The following PIP5K1A variants were observed in gnomAD, a reference collection of about 807,000 sequenced individuals.
PIP5K1A encodes phosphatidylinositol 4-phosphate 5-kinase type-1 alpha.
PIP5K1A carries 46 observed loss-of-function variants against 72.9 expected under a neutral mutation model. That is an observed-to-expected ratio of 0.63 (90% CI 0.50 to 0.81). PIP5K1A has a LOEUF of 0.81. PIP5K1A is among the 30% of genes least tolerant of loss of function. PIP5K1A has a pLI of 0.00. For synonymous variants in PIP5K1A, 228 were observed against 255.1 expected (o/e 0.89, Z 1.01); for missense variants, 458 against 706.1 (o/e 0.65, Z 3.98).
upstream of PIP5K1A, among the ~76,000 whole-genome samples, chr1:151,197,232 A>G (rs1004325279): frequency 2.6e-5 from 4 of 151,644 alleles, no homozygotes; most frequent in Admixed American, 1.3e-4. Context: ...ATCTGGAAAG[A>G]GGATAACCAG....
chr1:151,236,303 A>G (rs1690849286), intron 8 of PIP5K1A, among the ~76,000 whole-genome samples: 1 of 151,114 alleles, frequency 6.6e-6, no homozygotes, highest in Admixed American at 6.6e-5. Context: ...GCATGGTGAA[A>G]CCGTCTCTAT....
rs114575878 is a variant in PIP5K1A at position 151,244,448 on chromosome 1, G to A, written c.1640+1881G>A. Among the ~76,000 whole-genome samples, 1,329 of 152,308 alleles carry A rather than the reference G, an allele frequency of 8.7e-3. 28 individuals are homozygous for A. Among genetic ancestry groups the A allele is most frequent in the African/African-American group, 0.03 (1,259 of 41,560 alleles). ...GCGGCCAGATTACTTGAGCCTAGGAGTTTAAGATCAGCCTGAGCAACATGG... is the reference window on the plus strand; with the variant it reads ...GCGGCCAGATTACTTGAGCCTAGGAATTTAAGATCAGCCTGAGCAACATGG... On this transcript the variant is annotated intron_variant, in intron 14 of 15. Transcript: ENST00000368888.
At chr1:151,234,156 C>T in intron 7 of PIP5K1A, 41 bp from the exon 8 acceptor site, 2 of 1,502,468 alleles carry the variant, frequency 1.3e-6, no homozygotes, top group Non-Finnish European at 1.8e-6. Flanking sequence ...TGAAAATCAG[C>T]TAAGTTGTTC....
chr1:151,231,337 C>A (rs116765104), intron 4 of PIP5K1A, among the ~76,000 whole-genome samples: 1 of 151,932 alleles, frequency 6.6e-6, no homozygotes, highest in Non-Finnish European at 1.5e-5. Context: ...GAACTAAGAA[C>A]GTTGTGTCAA....
chr1:151,238,856 A>T (rs187971089), intron 10 of PIP5K1A, among the ~76,000 whole-genome samples: 2 of 152,134 alleles, frequency 1.3e-5, no homozygotes, highest in Non-Finnish European at 2.9e-5. Context: ...CTCTCCTTTT[A>T]TAATAAATAT....
Position 151,242,480 on chromosome 1 carries a change from C to T in PIP5K1A, c.1553C>T (p.Pro518Leu), listed in dbSNP as rs1379650562. Reference sequence around the variant, plus strand: ...CCTGATGTTTTACCTCAGACTCCACCTTTGGAGGAAATCAGTGAGGGCTCG... The same window carrying T: ...CCTGATGTTTTACCTCAGACTCCACTTTTGGAGGAAATCAGTGAGGGCTCG... ...GRPDVLPQTP[P>L]LEEISEGSPI... Residue 518 changes from proline to leucine, a missense_variant, in exon 14 of 16, where the codon CCT becomes CTT. Around this residue, in one of 3 missense-constraint regions of PIP5K1A, gnomAD observed 157 missense variants for 175.5 expected, o/e 0.89. Transcript: ENST00000368888. 2 of 1,613,926 alleles carry T rather than the reference C, an allele frequency of 1.2e-6. No individual in the cohort carries two copies. The highest frequency in any genetic ancestry group is 1.1e-5 in the South Asian group (1 of 91,072).
intron 1 of PIP5K1A, 108 bp from the exon 2 acceptor site, chr1:151,224,134 CAGG>C (rs1688778507): frequency 1.1e-6 from 1 of 942,630 alleles, no homozygotes; most frequent in South Asian, 1.3e-5. Flanking sequence ...GAGCAAGAGG[CAGG>C]AGTTTATACT....
In PIP5K1A at chr1:151,240,035, T is replaced by G. The variant is rs777290314; in HGVS notation, c.1359T>G (p.Ile453Met). 2 of 1,610,022 alleles carry G rather than the reference T, an allele frequency of 1.2e-6. No homozygotes were observed. The highest frequency in any genetic ancestry group is 3.3e-5 in the Admixed American group (2 of 59,908). ...RFMCNTVFKK[I>M]PLKPSPSKKF... Reference sequence around the variant, plus strand: ...TGTGCAACACAGTATTTAAGAAGATTCCCTGTAAGTGGTTTCTACCAATTG... The same window carrying G: ...TGTGCAACACAGTATTTAAGAAGATGCCCTGTAAGTGGTTTCTACCAATTG... The change falls in exon 12 of 16, where the codon ATT becomes ATG. Residue 453 changes from isoleucine to methionine, a missense_variant. Around this residue, in one of 3 missense-constraint regions of PIP5K1A, gnomAD observed 157 missense variants for 175.5 expected, o/e 0.89. Transcript: ENST00000368888.
intron 9 of PIP5K1A, among the ~76,000 whole-genome samples, chr1:151,237,137 T>C (rs1250883935): frequency 6.6e-6 from 1 of 152,052 alleles, no homozygotes; most frequent in Non-Finnish European, 1.5e-5. Flanking sequence ...GCCACAGCAC[T>C]TTTTCTTTAG....
chr1:151,198,151 A>G (rs1344699118), upstream of PIP5K1A: 1 of 466,958 alleles, frequency 2.1e-6, no homozygotes, highest in Admixed American at 2.4e-5. Context: ...TCAAATAGTA[A>G]ACAAGAGTAG....
intron 3 of PIP5K1A, among the ~76,000 whole-genome samples, chr1:151,226,216 A>G (rs1385586945): frequency 6.6e-6 from 1 of 151,292 alleles, no homozygotes; most frequent in Non-Finnish European, 1.5e-5. Context: ...CCTCCCGAGT[A>G]GCTGGGATTA....
At position 151,238,164 on chromosome 1, in the gene PIP5K1A, C is replaced by A; in HGVS notation, c.1146-18C>A. On this transcript the variant is annotated intron_variant, in intron 9 of 15. Coordinates refer to ENST00000368888, the MANE Select transcript of PIP5K1A (RefSeq NM_001135638.2). ...TAGCCAACAGATTTTCTCACCCTTT[C>A]CTTTTTGCCTTTTCCAGTATGGGTG... The A allele has an allele frequency of 1.3e-6, 2 of 1,571,224 alleles. No individual in the cohort carries two copies. The highest frequency in any genetic ancestry group is 1.8e-6 in the Non-Finnish European group (2 of 1,141,144).
At chr1:151,199,261 A>C in intron 1 of PIP5K1A, 180 bp downstream of exon 1, 1 of 1,261,602 alleles carries the variant, frequency 7.9e-7, no homozygotes. Context: ...GATAAGTTTG[A>C]TTAAGAAGTT....
chr1:151,237,904 C>A (rs1294714351), intron 9 of PIP5K1A, among the ~76,000 whole-genome samples: 1 of 152,050 alleles, frequency 6.6e-6, no homozygotes, highest in Non-Finnish European at 1.5e-5. Context: ...ATTTTAGATT[C>A]TCTTTGGTGG....
At position 151,198,883 on chromosome 1, in the gene PIP5K1A, G is replaced by A; in HGVS notation, c.-114G>A. 2 of 1,013,370 alleles carry A rather than the reference G, an allele frequency of 2.0e-6. No homozygotes were observed. Among genetic ancestry groups the A allele is most frequent in the Non-Finnish European group, 3.0e-6 (2 of 660,682 alleles). The allele number at this position is 1,013,370 out of a possible 1,614,324, so 62.8% of individuals were successfully genotyped here. A position where few individuals can be genotyped will look rare whatever the true frequency, so the allele number is the denominator to read the frequency against. On this transcript the variant is annotated 5_prime_UTR_variant, in exon 1 of 16. Transcript: ENST00000368888. ...AGGGAGGCCCCGGAGGGGGCGGGGA[G>A]GTGGCCCACAGAACGCGGGTTCTGT...
In PIP5K1A at chr1:151,242,158, T is replaced by A; in HGVS notation, c.1399T>A (p.Ser467Thr). ...PSPSKKFRSG[S>T]SFSRRAGSSG... ...TCCTTCCAAAAAGTTTCGGTCTGGC[T>A]CATCTTTCTCTCGGCGAGCAGGCTC... Residue 467 changes from serine (S) to threonine (T), a missense_variant, in exon 13 of 16, where the codon TCA becomes ACA. Ser to Thr is a moderately conservative substitution (Grantham distance 58). Coordinates refer to ENST00000368888, the MANE Select transcript of PIP5K1A (RefSeq NM_001135638.2). 1 of 1,614,184 alleles carries A rather than the reference T, an allele frequency of 6.2e-7. No individual in the cohort carries two copies. Among genetic ancestry groups the A allele is most frequent in the Non-Finnish European group, 8.5e-7 (1 of 1,180,018 alleles).
chr1:151,223,060 AC>A (rs373569298), intron 1 of PIP5K1A, among the ~76,000 whole-genome samples: 10 of 152,032 alleles, frequency 6.6e-5, no homozygotes, highest in African/African-American at 2.2e-4. Flanking sequence ...TAAAAAAAAT[AC>A]AAAAATTAGC....
In PIP5K1A at chr1:151,224,686, C is replaced by T. The variant is rs587670429; in HGVS notation, c.156+280C>T. Among the ~76,000 whole-genome samples the T allele has an allele frequency of 3.5e-4, 53 of 152,266 alleles. 1 individual carries two copies. The South Asian group carries it at 0.011, about 30-fold the overall frequency. On this transcript the variant is annotated intron_variant, in intron 3 of 15. Transcript: ENST00000368888. The stretch of plus-strand genomic sequence containing the variant: ...TCAAATTCAAACCCAGGCAGTCTGA[C>T]ACTAAAGCTCACTTTCTTTGTTTTG...
chr1:151,247,091 ATTTTTTATTAT>A (rs1403490219), intron 15 of PIP5K1A, 126 bp downstream of exon 15: 1 of 425,948 alleles, frequency 2.3e-6, no homozygotes, highest in Non-Finnish European at 4.2e-6. Flanking sequence ...CTTGTTTTTT[ATTTTTTATTAT>A]TTTTTTATTT....
Sources: allele counts gnomAD v4.1 joint callset (sites outside exome capture counted in the v4.1 genomes callset), GRCh38; gene constraint gnomAD v4.1.1; regional missense constraint gnomAD v4.1.1; transcripts MANE v1.5; gene names NCBI Gene and HGNC (gene_info 2026-07-23, HGNC 2026-07-21).